The following VPS13C variants were observed in gnomAD, a reference collection of about 807,000 sequenced individuals.
VPS13C encodes intermembrane lipid transfer protein VPS13C.
Under a neutral mutation model 456.8 loss-of-function variants are expected in VPS13C, and 358 were observed. The observed-to-expected ratio is 0.78, with a 90% CI of 0.72 to 0.86. The LOEUF is 0.86. Ranked by LOEUF, VPS13C falls within the 40% of genes least tolerant of loss-of-function variation. The pLI, the probability that VPS13C is intolerant of heterozygous loss-of-function variation, is 0.00. For missense variants in VPS13C, 4,818 were observed against 4,385.4 expected (o/e 1.10, Z -2.79); for synonymous variants, 1,578 against 1,486.7 (o/e 1.06, Z -1.41).
chr15:61,976,239 T>C (rs1238751500), intron 24 of VPS13C, among the ~76,000 whole-genome samples: 4 of 152,012 alleles, frequency 2.6e-5, no homozygotes, highest in Non-Finnish European at 5.9e-5. Flanking sequence ...AACATCCACC[T>C]GATAAAGGGT....
intron 15 of VPS13C, among the ~76,000 whole-genome samples, chr15:62,005,998 C>T (rs1466108688): frequency 1.3e-5 from 2 of 152,020 alleles, no homozygotes; most frequent in East Asian, 1.9e-4. Flanking sequence ...GCCACCACGC[C>T]CGGCCGTGTT....
At position 61,913,403 on chromosome 15, in the gene VPS13C, T is replaced by A; in HGVS notation, c.8458A>T (p.Ile2820Phe). 1 of 1,613,898 alleles carries A rather than the reference T, an allele frequency of 6.2e-7. No individual in the cohort carries two copies. Among genetic ancestry groups the A allele is most frequent in the Non-Finnish European group, 8.5e-7 (1 of 1,179,810 alleles). Residue 2820 changes from isoleucine to phenylalanine, a missense_variant, in exon 62 of 85, where the codon ATT becomes TTT. Coordinates refer to ENST00000644861, the MANE Select transcript of VPS13C (RefSeq NM_020821.3). ...IFTKNKVQLKISTSAWSSSFS... is the reference protein window; with the variant it reads ...IFTKNKVQLKFSTSAWSSSFS... ...CTACTGGACCAGGCACTGGTTGAAA[T>A]TTTTAATTGTACCTATACCAGAGAG...
At chr15:61,929,453 T>C in intron 51 of VPS13C, 48 bp downstream of exon 51, 1 of 1,555,188 alleles carries the variant, frequency 6.4e-7, no homozygotes, top group Non-Finnish European at 8.7e-7. Flanking sequence ...TTTGTAATTC[T>C]TGTCAAAATA....
intron 45 of VPS13C, among the ~76,000 whole-genome samples, chr15:61,943,097 C>T (rs540336129): frequency 6.6e-6 from 1 of 152,220 alleles, no homozygotes; most frequent in African/African-American, 2.4e-5. Flanking sequence ...AACTAGGAAA[C>T]ACTGCTGAAA....
intron 1 of VPS13C, among the ~76,000 whole-genome samples, chr15:62,059,781 C>G (rs1022130039): frequency 6.6e-6 from 1 of 152,306 alleles, no homozygotes; most frequent in Admixed American, 6.5e-5. Context: ...CCCGGTAATC[C>G]TAAAGAGAAG....
chr15:62,037,825 A>C (rs2048116364), intron 3 of VPS13C, among the ~76,000 whole-genome samples: 2 of 152,136 alleles, frequency 1.3e-5, no homozygotes, highest in African/African-American at 2.4e-5. Flanking sequence ...CTATCTAAAA[A>C]ACAAAAAAGA....
Position 61,867,024 on chromosome 15 carries a change from AG to A in VPS13C, c.10863+1634del, listed in dbSNP as rs1894642801. 1 of 922,188 alleles carries A rather than the reference AG, an allele frequency of 1.1e-6. No homozygotes were observed. The highest frequency in any genetic ancestry group is 1.3e-6 in the Non-Finnish European group (1 of 772,184). The allele number at this position is 922,188 out of a possible 1,614,324, so 57.1% of individuals were successfully genotyped here. A position where few individuals can be genotyped will look rare whatever the true frequency, so the allele number is the denominator to read the frequency against. On this transcript the variant is annotated intron_variant, in intron 81 of 84. Coordinates refer to ENST00000644861, the MANE Select transcript of VPS13C (RefSeq NM_020821.3). This position sits in a 1 kb window ranked among gnomAD's most constrained non-coding sequence, Gnocchi z 5.0. ...AACATAACTTATGTTGAGAATTAAG[AG>A]GATACTAATTTCAAAAATAATGATT...
intron 53 of VPS13C, 45 bp downstream of exon 53, chr15:61,925,411 A>T: frequency 8.1e-7 from 1 of 1,233,146 alleles, no homozygotes; most frequent in Non-Finnish European, 1.1e-6. Context: ...CAATGTCGTG[A>T]AGAAAAATAA....
rs760046877 is a variant in VPS13C at position 61,875,882 on chromosome 15, A to G, written c.10225-37T>C. The G allele has an allele frequency of 3.0e-6, 4 of 1,325,516 alleles. No individual in the cohort carries two copies. In the Admixed American group the frequency reaches 9.3e-5, roughly 31 times the overall value. 82.1% of individuals were successfully genotyped at this position (1,325,516 alleles called of 1,614,324 possible). A position where few individuals can be genotyped will look rare whatever the true frequency, so the allele number is the denominator to read the frequency against. On this transcript the variant is annotated intron_variant, in intron 75 of 84. Transcript: ENST00000644861. ...AAAAAATTAAATTAAGTCCTTCACAACTATTGTAAGAAACATCATAATGAA... is the reference window on the plus strand; with the variant it reads ...AAAAAATTAAATTAAGTCCTTCACAGCTATTGTAAGAAACATCATAATGAA...
At chr15:61,959,628 G>T in intron 35 of VPS13C, 33 bp from the exon 36 acceptor site, 1 of 1,590,194 alleles carries the variant, frequency 6.3e-7, no homozygotes, top group African/African-American at 1.3e-5. Flanking sequence ...ATAATGCATA[G>T]ATATAGGGTA....
At chr15:61,984,752 A>G in intron 19 of VPS13C, 105 bp downstream of exon 19, 1 of 1,175,066 alleles carries the variant, frequency 8.5e-7, no homozygotes, top group Middle Eastern at 2.7e-4. Context: ...CAAGGAAAAG[A>G]AATTAAAGAG....
chr15:61,855,024 G>T, intron 83 of VPS13C, 70 bp from the exon 84 acceptor site: 1 of 1,269,924 alleles, frequency 7.9e-7, no homozygotes, highest in Non-Finnish European at 1.1e-6. Flanking sequence ...ACTTTTAATT[G>T]TATACTTAAA....
intron 84 of VPS13C, 82 bp from the exon 85 acceptor site, chr15:61,854,640 C>A (rs560504005): frequency 2.6e-5 from 37 of 1,409,306 alleles, no homozygotes; most frequent in Non-Finnish European, 3.6e-5. Flanking sequence ...AAAGCAAGGG[C>A]TGAAGCTCTC....
chr15:61,854,769 A>C, intron 84 of VPS13C, 102 bp downstream of exon 84: 1 of 1,159,278 alleles, frequency 8.6e-7, no homozygotes, highest in Non-Finnish European at 1.2e-6. Context: ...CCATAGTTAT[A>C]TTTGGGAGAG....
chr15:61,987,915 C>T (rs2046105477), intron 18 of VPS13C, among the ~76,000 whole-genome samples: 1 of 152,012 alleles, frequency 6.6e-6, no homozygotes, highest in Non-Finnish European at 1.5e-5. Flanking sequence ...CATATCTCCA[C>T]CAAAGACTTG....
chr15:62,015,276 T>C (rs1567112209), intron 9 of VPS13C, among the ~76,000 whole-genome samples: 1 of 152,178 alleles, frequency 6.6e-6, no homozygotes, highest in South Asian at 2.1e-4. Flanking sequence ...AGGCAAAGGA[T>C]AAACTAGTTT....
chr15:62,028,786 T>C (rs903795394), intron 5 of VPS13C, among the ~76,000 whole-genome samples: 1 of 152,120 alleles, frequency 6.6e-6, no homozygotes, highest in African/African-American at 2.4e-5. Context: ...TTTCAGAATA[T>C]AATATTACTG....
In VPS13C at chr15:61,995,512, T is replaced by C. The variant is rs2046353854; in HGVS notation, c.1354-3710A>G. ...CTTGATTCTGTGTACAATGTGTATG[T>C]TATATACACAAGACTTTAGTGACCA... is the stretch of plus-strand genomic sequence containing the variant. On this transcript the variant is annotated intron_variant, in intron 16 of 84. Coordinates refer to ENST00000644861, the MANE Select transcript of VPS13C (RefSeq NM_020821.3). Among the ~76,000 whole-genome samples, 3 of 152,326 alleles carry C rather than the reference T, an allele frequency of 2.0e-5. No homozygotes were observed. The South Asian group carries it at 6.2e-4, about 32-fold the overall frequency.
intron 55 of VPS13C, 46 bp downstream of exon 55, chr15:61,921,901 T>C (rs1205861557): frequency 1.9e-6 from 3 of 1,543,564 alleles, no homozygotes; most frequent in Non-Finnish European, 2.7e-6. Context: ...TATGAATGAA[T>C]ATGCATAGTA....
Sources: gnomAD v4.1 joint callset for allele counts (sites outside exome capture counted in the v4.1 genomes callset) on GRCh38, gnomAD v4.1.1 for gene constraint, Gnocchi (gnomAD v3.1) non-coding constraint, MANE v1.5 for transcripts, NCBI Gene and HGNC (gene_info 2026-07-23, HGNC 2026-07-21) for gene names.